The following GNAS variants were observed in gnomAD, a reference collection of about 807,000 sequenced individuals.
GNAS encodes the protein protein ALEX.
In GNAS, 8 loss-of-function variants were observed where a neutral mutation model predicts 54.5. That is an observed-to-expected ratio of 0.15 (90% CI 0.09 to 0.26). GNAS has a LOEUF of 0.26. Among genes scored for constraint, GNAS ranks in the 10% least tolerant of loss-of-function variants. The pLI is 1.00. For missense variants in GNAS, 170 were observed against 529.8 expected (o/e 0.32, Z 6.67); for synonymous variants, 204 against 191.4 (o/e 1.07, Z -0.54).
At chr20:58,859,455 C>A (rs1195509715) in intron 1 of GNAS, among the ~76,000 whole-genome samples, 1 of 130,050 alleles carries the variant, frequency 7.7e-6, no homozygotes, top group East Asian at 2.0e-4. Flanking sequence ...ACCCAGCCTC[C>A]CAAAGTACTG....
Position 58,841,857 on chromosome 20 carries a change from G to C in GNAS, c.43+971G>C. Reference sequence around the variant, plus strand: ...GCGCAGGACCTCTGGAGGCCCTCGAGATCGTCGCAAGTGGAAAGGTAAAGC... The same window carrying C: ...GCGCAGGACCTCTGGAGGCCCTCGACATCGTCGCAAGTGGAAAGGTAAAGC... On this transcript the variant is annotated intron_variant, in intron 1 of 12. Transcript: ENST00000306090. This position sits in a 1 kb window ranked among gnomAD's most constrained non-coding sequence, Gnocchi z 5.0. The C allele has an allele frequency of 8.1e-7, 1 of 1,231,098 alleles. No individual in the cohort carries two copies. 76.3% of individuals were successfully genotyped at this position (1,231,098 alleles called of 1,614,324 possible).
upstream of GNAS, chr20:58,889,218 C>T (rs1335091389): frequency 8.6e-7 from 1 of 1,163,092 alleles, no homozygotes; most frequent in South Asian, 1.4e-5. Flanking sequence ...CGTCAGGTGG[C>T]TGGCCGGCGC....
In GNAS at chr20:58,866,974, A is replaced by G. The variant is rs142375560; in HGVS notation, c.43+26088A>G. 5.5e-4 allele frequency among the ~76,000 whole-genome samples: 84 copies of G among 152,348 alleles called. 1 individual carries two copies. In the Middle Eastern group the frequency reaches 0.017, roughly 31 times the overall value. Reference sequence around the variant, plus strand: ...ATATATTGGTAGTTTGATAAATTATATATCAGACATGTAAAATTTAAAGTA... The same window carrying G: ...ATATATTGGTAGTTTGATAAATTATGTATCAGACATGTAAAATTTAAAGTA... On this transcript the variant is annotated intron_variant, in intron 1 of 12. Transcript: ENST00000306090.
At chr20:58,892,708 A>G (rs1462032309) in intron 1 of GNAS, among the ~76,000 whole-genome samples, 3 of 152,268 alleles carry the variant, frequency 2.0e-5, no homozygotes, top group South Asian at 2.1e-4. Flanking sequence ...AGGAGAGTCA[A>G]ATAAAATAAG....
chr20:58,885,136 G>A (rs2088502044), intron 1 of GNAS: 1 of 152,234 alleles, frequency 6.6e-6, no homozygotes, highest in Non-Finnish European at 1.5e-5. Flanking sequence ...TTTGTTAAAA[G>A]TCCATTCCTG....
intron 1 of GNAS, chr20:58,892,165 CTTTCTCT>C: frequency 4.1e-6 from 4 of 967,286 alleles, no homozygotes; most frequent in Non-Finnish European, 4.9e-6. Context: ...CTCTTTCTCT[CTTTCTCT>C]CTTTTTCCGC....
At position 58,873,568 on chromosome 20, in the gene GNAS, C is replaced by T. The variant is rs1400409022; in HGVS notation, c.44-22044C>T. 6.6e-6 allele frequency among the ~76,000 whole-genome samples: 1 copy of T among 152,112 alleles called. No individual in the cohort carries two copies. Among genetic ancestry groups the T allele is most frequent in the African/African-American group, 2.4e-5 (1 of 41,398 alleles). On this transcript the variant is annotated intron_variant, in intron 1 of 12. Transcript: ENST00000306090. This position sits in a 1 kb window ranked among gnomAD's most constrained non-coding sequence, Gnocchi z 4.3. ...CTAATTTTTTGGTTAACTTGAAGGT[C>T]GAAATAGCCTTACTCCTTTTTGTCT...
chr20:58,845,472 C>T (rs2085909816), intron 1 of GNAS, among the ~76,000 whole-genome samples: 1 of 152,184 alleles, frequency 6.6e-6, no homozygotes, highest in Non-Finnish European at 1.5e-5. Context: ...CTTGTTTGCG[C>T]ACCGCATCCC....
At chr20:58,868,270 CA>C (rs886577858) in intron 1 of GNAS, among the ~76,000 whole-genome samples, 35 of 152,106 alleles carry the variant, frequency 2.3e-4, no homozygotes, top group African/African-American at 8.4e-4. Context: ...CCCCCTGCCT[CA>C]GCCTCCCAAA....
intron 1 of GNAS, among the ~76,000 whole-genome samples, chr20:58,844,667 T>TCCCC (rs2085874515): frequency 7.5e-6 from 1 of 133,848 alleles, no homozygotes; most frequent in Non-Finnish European, 1.6e-5. Flanking sequence ...GGTTGTCCAA[T>TCCCC]TTGACTCTAC....
intron 1 of GNAS, among the ~76,000 whole-genome samples, chr20:58,845,063 T>C (rs2085896102): frequency 6.6e-6 from 1 of 152,140 alleles, no homozygotes; most frequent in Admixed American, 6.5e-5. Context: ...CCACCTTCTG[T>C]CCCTGACCTT....
intron 1 of GNAS, among the ~76,000 whole-genome samples, chr20:58,847,347 G>A (rs938089717): frequency 2.6e-5 from 4 of 152,074 alleles, no homozygotes; most frequent in African/African-American, 4.8e-5. Context: ...GCCTGGCCAC[G>A]CAGACCCCTC....
intron 3 of GNAS, 112 bp from the exon 4 acceptor site, chr20:58,903,419 A>C: frequency 1.1e-6 from 1 of 929,322 alleles, no homozygotes; most frequent in Non-Finnish European, 1.7e-6. Flanking sequence ...CGAACCCACA[A>C]CTCCCTGAAG....
At chr20:58,892,947 G>C (rs1405868022) in intron 1 of GNAS, among the ~76,000 whole-genome samples, 1 of 141,632 alleles carries the variant, frequency 7.1e-6, no homozygotes, top group African/African-American at 2.7e-5. Flanking sequence ...TTTTCCTGCT[G>C]GCTGGCCACA....
chr20:58,854,021 C>T, intron 1 of GNAS: 1 of 1,611,730 alleles, frequency 6.2e-7, no homozygotes, highest in Non-Finnish European at 8.5e-7. Context: ...TCGACGGCAG[C>T]AGCCAGTTCG....
At chr20:58,904,624 A>G (rs1361592163) in intron 5 of GNAS, among the ~76,000 whole-genome samples, 2 of 152,192 alleles carry the variant, frequency 1.3e-5, no homozygotes, top group Admixed American at 6.5e-5. Flanking sequence ...ACAATGAGTT[A>G]TTGTTGCCTT....
intron 1 of GNAS, among the ~76,000 whole-genome samples, chr20:58,846,341 T>C (rs1233776085): frequency 6.6e-6 from 1 of 152,038 alleles, no homozygotes; most frequent in African/African-American, 2.4e-5. Flanking sequence ...AGCTCAACAT[T>C]AGGAAGGGCA....
At chr20:58,861,992 A>G (rs2086807314) in intron 1 of GNAS, among the ~76,000 whole-genome samples, 1 of 152,060 alleles carries the variant, frequency 6.6e-6, no homozygotes, top group South Asian at 2.1e-4. Flanking sequence ...GGTGTGAGCC[A>G]TGGCACCTGG....
At position 58,853,754 on chromosome 20, in the gene GNAS, C is replaced by T; in HGVS notation, c.43+12868C>T. ...GCCCTCCACCAGAAGAAGCTATGCCCTTTGAGTTTGACCAGCCTGCCCAGA... is the reference window on the plus strand; with the variant it reads ...GCCCTCCACCAGAAGAAGCTATGCCTTTTGAGTTTGACCAGCCTGCCCAGA... On this transcript the variant is annotated intron_variant, in intron 1 of 12. Transcript: ENST00000306090. The surrounding 1 kb of genome is among the most constrained non-coding windows in gnomAD (Gnocchi z 4.4). 1.2e-6 allele frequency: 2 copies of T among 1,613,680 alleles called. No homozygotes were observed. The highest frequency in any genetic ancestry group is 1.7e-6 in the Non-Finnish European group (2 of 1,179,832).
Sources: allele counts gnomAD v4.1 joint callset (sites outside exome capture counted in the v4.1 genomes callset), GRCh38; gene constraint gnomAD v4.1.1; non-coding constraint Gnocchi (gnomAD v3.1); transcripts MANE v1.5; gene names NCBI Gene and HGNC (gene_info 2026-07-23, HGNC 2026-07-21).